Variants in MACROD2 observed in about 807,000 individuals in gnomAD.
MACROD2 encodes ADP-ribose glycohydrolase MACROD2.
Under a neutral mutation model 70.4 loss-of-function variants are expected in MACROD2, and 36 were observed. That is an observed-to-expected ratio of 0.51 (90% CI 0.39 to 0.68). MACROD2 has a LOEUF of 0.68. MACROD2 is among the 30% of genes least tolerant of loss of function. MACROD2 has a pLI of 0.00. For synonymous variants in MACROD2, 172 were observed against 178.8 expected, an observed-to-expected ratio of 0.96 and a Z score of 0.30; for missense variants, 496 against 538.4, an observed-to-expected ratio of 0.92 and a Z score of 0.78.
chr20:14,828,060 A>AGCCCTGC (rs2072922455), intron 5 of MACROD2, among the ~76,000 whole-genome samples: 3 of 152,090 alleles, frequency 2.0e-5, no homozygotes, highest in Non-Finnish European at 4.4e-5. Context: ...AATAAAGAAA[A>AGCCCTGC]TAAAGATGAT....
chr20:14,393,954 A>G (rs1600194762), intron 3 of MACROD2, among the ~76,000 whole-genome samples: 1 of 152,092 alleles, frequency 6.6e-6, no homozygotes, highest in African/African-American at 2.4e-5. Context: ...AAAGTTGACC[A>G]CCTGCAAGTC....
chr20:14,646,457 C>A (rs1600495027), intron 4 of MACROD2, among the ~76,000 whole-genome samples: 2 of 152,090 alleles, frequency 1.3e-5, no homozygotes, highest in Admixed American at 1.3e-4. Context: ...TAATATAGCA[C>A]TATTATGTTA....
chr20:15,396,605 C>G (rs1370162703), intron 6 of MACROD2, among the ~76,000 whole-genome samples: 1 of 152,194 alleles, frequency 6.6e-6, no homozygotes, highest in Non-Finnish European at 1.5e-5. Context: ...GACAAAGTAG[C>G]TTCAGACTGC....
chr20:14,094,263 T>C (rs1459474438), intron 3 of MACROD2, among the ~76,000 whole-genome samples: 1 of 152,190 alleles, frequency 6.6e-6, no homozygotes, highest in Non-Finnish European at 1.5e-5. Flanking sequence ...TCTTGGATGA[T>C]TATGATTTGA....
chr20:14,131,857 C>T (rs1166134086), intron 3 of MACROD2, among the ~76,000 whole-genome samples: 3 of 151,950 alleles, frequency 2.0e-5, no homozygotes, highest in East Asian at 1.9e-4. Context: ...CTCGGCCGCG[C>T]GCGGTGGCTC....
intron 3 of MACROD2, among the ~76,000 whole-genome samples, chr20:14,090,205 A>G (rs2054128569): frequency 6.6e-6 from 1 of 152,144 alleles, no homozygotes; most frequent in South Asian, 2.1e-4. Context: ...AGTTCTTTGT[A>G]GTTGTATTTA....
intron 8 of MACROD2, among the ~76,000 whole-genome samples, chr20:15,609,888 C>T (rs1017154409): frequency 4.6e-5 from 7 of 152,160 alleles, no homozygotes; most frequent in African/African-American, 1.4e-4. Context: ...ACCATAGTTA[C>T]TCAACTCACA....
chr20:15,304,035 C>T (rs1016894572), intron 6 of MACROD2, among the ~76,000 whole-genome samples: 7 of 152,184 alleles, frequency 4.6e-5, no homozygotes, highest in Admixed American at 4.6e-4. Context: ...TTCTTCTTGG[C>T]CTTTCCTCAC....
At chr20:14,897,695 A>G (rs956669236) in intron 5 of MACROD2, among the ~76,000 whole-genome samples, 1 of 152,218 alleles carries the variant, frequency 6.6e-6, no homozygotes, top group Admixed American at 6.5e-5. Flanking sequence ...AGCATGAATC[A>G]GGTTCCATAA....
At chr20:15,716,923 G>A (rs2050715836) in intron 8 of MACROD2, among the ~76,000 whole-genome samples, 1 of 152,194 alleles carries the variant, frequency 6.6e-6, no homozygotes, top group African/African-American at 2.4e-5. Context: ...ACAATGTTAT[G>A]TTCCATGACC....
chr20:14,084,464 T>A (rs929675979), intron 2 of MACROD2, among the ~76,000 whole-genome samples: 3 of 152,210 alleles, frequency 2.0e-5, no homozygotes, highest in Non-Finnish European at 2.9e-5. Flanking sequence ...TTCAAAAATA[T>A]AAATCAGCTT....
chr20:14,377,613 T>G (rs1241048944), intron 3 of MACROD2, among the ~76,000 whole-genome samples: 1 of 152,236 alleles, frequency 6.6e-6, no homozygotes, highest in African/African-American at 2.4e-5. Context: ...ATCTTGGTAT[T>G]TCTTCACGTG....
intron 8 of MACROD2, among the ~76,000 whole-genome samples, chr20:15,570,021 A>G (rs2048356801): frequency 6.6e-6 from 1 of 152,152 alleles, no homozygotes; most frequent in African/African-American, 2.4e-5. Context: ...GGATTGCTGG[A>G]TTATATGGTA....
intron 4 of MACROD2, among the ~76,000 whole-genome samples, chr20:14,659,194 G>T (rs989329044): frequency 2.0e-5 from 3 of 152,150 alleles, no homozygotes; most frequent in Non-Finnish European, 4.4e-5. Context: ...ATCAAGAGAA[G>T]TTATCTCTTG....
At chr20:14,750,383 A>G (rs1465775367) in intron 5 of MACROD2, among the ~76,000 whole-genome samples, 1 of 152,164 alleles carries the variant, frequency 6.6e-6, no homozygotes, top group Non-Finnish European at 1.5e-5. Flanking sequence ...TACATTTATT[A>G]GAATAATAGT....
intron 5 of MACROD2, chr20:15,196,761 T>G: frequency 1.3e-5 from 6 of 474,250 alleles, no homozygotes; most frequent in Non-Finnish European, 1.6e-5. Flanking sequence ...AATATGTACT[T>G]GAAATCAGGA....
At chr20:15,868,603 C>CTTTT (rs5840688) in intron 9 of MACROD2, among the ~76,000 whole-genome samples, 65 of 135,570 alleles carry the variant, frequency 4.8e-4, no homozygotes, top group African/African-American at 1.7e-3. Context: ...TAATACTTTT[C>CTTTT]TTTTTTTTTT....
At chr20:15,460,883 A>C (rs531714761) in intron 7 of MACROD2, among the ~76,000 whole-genome samples, 2 of 150,588 alleles carry the variant, frequency 1.3e-5, no homozygotes, top group African/African-American at 4.9e-5. Flanking sequence ...AGAAAACCTA[A>C]GTGTGATGGA....
At chr20:14,970,631 T>G (rs1180946386) in intron 5 of MACROD2, among the ~76,000 whole-genome samples, 1 of 151,620 alleles carries the variant, frequency 6.6e-6, no homozygotes, top group Non-Finnish European at 1.5e-5. Flanking sequence ...TTGATTAAAT[T>G]TTTTAAAAAA....
Sources: gnomAD v4.1 joint callset for allele counts (sites outside exome capture counted in the v4.1 genomes callset) on GRCh38, gnomAD v4.1.1 for gene constraint, MANE v1.5 for transcripts, NCBI Gene and HGNC (gene_info 2026-07-23, HGNC 2026-07-21) for gene names.